CCDC172: variants seen among roughly 807,000 people sequenced by gnomAD.
CCDC172 encodes the protein coiled-coil domain-containing protein 172.
CCDC172 carries 30 observed loss-of-function variants against 38.0 expected under a neutral mutation model. The observed-to-expected ratio is 0.79, with a 90% CI of 0.59 to 1.07. The LOEUF is 1.07. CCDC172 is among the 50% of genes least tolerant of loss of function. The probability of loss-of-function intolerance (pLI) is 0.00; values close to 1 mark genes in which losing one functional copy is unlikely to be tolerated. For missense variants in CCDC172, 297 were observed against 290.1 expected (o/e 1.02, Z -0.17); for synonymous variants, 78 against 88.3 (o/e 0.88, Z 0.66).
At chr10:116,352,963 G>A (rs926990788) in intron 5 of CCDC172, among the ~76,000 whole-genome samples, 1 of 152,084 alleles carries the variant, frequency 6.6e-6, no homozygotes, top group Non-Finnish European at 1.5e-5. Context: ...GGAGGCCAAG[G>A]CGGGTGGATC....
chr10:116,371,922 G>A (rs1845190079), intron 7 of CCDC172, among the ~76,000 whole-genome samples: 1 of 151,594 alleles, frequency 6.6e-6, no homozygotes, highest in Non-Finnish European at 1.5e-5. Flanking sequence ...TTTCAACTGT[G>A]AGGCCTCAGA....
chr10:116,373,401 ATG>A (rs1845209902), intron 7 of CCDC172, among the ~76,000 whole-genome samples: 2 of 152,234 alleles, frequency 1.3e-5, no homozygotes, highest in African/African-American at 4.8e-5. Context: ...TTTATAGCAT[ATG>A]TAAAAACAAA....
chr10:116,336,071 G>GCA (rs1844728704), intron 3 of CCDC172, among the ~76,000 whole-genome samples: 1 of 152,036 alleles, frequency 6.6e-6, no homozygotes, highest in African/African-American at 2.4e-5. Context: ...GGAGGCTGAG[G>GCA]CAGGAGAATT....
rs923185503 is a variant in CCDC172 at position 116,325,389 on chromosome 10, G to T, written c.165+1G>T. The T allele has an allele frequency of 6.6e-5, 106 of 1,609,496 alleles. No homozygotes were observed. The highest frequency in any genetic ancestry group is 8.9e-5 in the Non-Finnish European group (105 of 1,177,396). ...AGAGAAAATCAAGCTGGAATCTAAG[G>T]TATTGAAATGTAAAGCATACTAATT... On this transcript the variant is annotated splice_donor_variant, in intron 3 of 8. Coordinates refer to ENST00000333254, the MANE Select transcript of CCDC172 (RefSeq NM_198515.3). LOFTEE classifies it high-confidence loss of function.
Position 116,357,847 on chromosome 10 carries a change from GA to G in CCDC172, c.564del (p.Glu189ArgfsTer11). ...LQRKLKVFED[E>X]ENESICTTKY... ...TTTGATTTGTTTAGTTTTTGAAGAT[GA>G]AGAGAATGAATCCATTTGTACTACC... On this transcript the variant is annotated frameshift_variant, in exon 7 of 9. Coordinates refer to ENST00000333254, the MANE Select transcript of CCDC172 (RefSeq NM_198515.3). LOFTEE classifies it high-confidence loss of function. 1 of 1,479,060 alleles carries G rather than the reference GA, an allele frequency of 6.8e-7. No homozygotes were observed. Among genetic ancestry groups the G allele is most frequent in the Non-Finnish European group, 9.2e-7 (1 of 1,086,568 alleles). 91.6% of individuals were successfully genotyped at this position (1,479,060 alleles called of 1,614,324 possible).
intron 3 of CCDC172, among the ~76,000 whole-genome samples, chr10:116,335,902 C>T (rs2134912621): frequency 6.6e-6 from 1 of 152,074 alleles, no homozygotes. Context: ...TGCGGTGGCT[C>T]ACATCTGTAT....
chr10:116,376,767 TACTC>T (rs1184332490), intron 7 of CCDC172, among the ~76,000 whole-genome samples: 1 of 152,138 alleles, frequency 6.6e-6, no homozygotes, highest in African/African-American at 2.4e-5. Context: ...TGGCAATTGA[TACTC>T]AATAGTTACA....
intron 7 of CCDC172, among the ~76,000 whole-genome samples, chr10:116,359,406 C>T (rs544683843): frequency 2.4e-4 from 36 of 152,138 alleles, no homozygotes; most frequent in Admixed American, 5.9e-4. Context: ...CTTAATTTGT[C>T]GGGTTTGACT....
chr10:116,363,936 A>AG (rs1201060988), intron 7 of CCDC172, among the ~76,000 whole-genome samples: 4 of 150,104 alleles, frequency 2.7e-5, no homozygotes, highest in Non-Finnish European at 5.9e-5. Context: ...GGTCTCAAAA[A>AG]AAAAAAAAAA....
intron 3 of CCDC172, among the ~76,000 whole-genome samples, chr10:116,333,088 C>T (rs1030244296): frequency 6.6e-6 from 1 of 151,956 alleles, no homozygotes; most frequent in Non-Finnish European, 1.5e-5. Flanking sequence ...TGTTTGCATC[C>T]TTTTAAGAAC....
intron 3 of CCDC172, among the ~76,000 whole-genome samples, chr10:116,339,423 C>T (rs1408599007): frequency 6.6e-6 from 1 of 151,508 alleles, no homozygotes; most frequent in Non-Finnish European, 1.5e-5. Flanking sequence ...CCCTAGTTTC[C>T]CCTTGTTATA....
At chr10:116,336,309 G>T (rs143304563) in intron 3 of CCDC172, among the ~76,000 whole-genome samples, 1 of 148,540 alleles carries the variant, frequency 6.7e-6, no homozygotes, top group African/African-American at 2.5e-5. Flanking sequence ...TGATACATAC[G>T]TAATAATAAT....
At chr10:116,371,473 T>C (rs1208967235) in intron 7 of CCDC172, among the ~76,000 whole-genome samples, 3 of 151,950 alleles carry the variant, frequency 2.0e-5, no homozygotes, top group Non-Finnish European at 4.4e-5. Flanking sequence ...TTTGCATTAG[T>C]ATTCATAGAC....
At chr10:116,372,886 A>G (rs1388977864) in intron 7 of CCDC172, among the ~76,000 whole-genome samples, 2 of 152,188 alleles carry the variant, frequency 1.3e-5, no homozygotes, top group African/African-American at 2.4e-5. Context: ...ATGACATCCT[A>G]AAGAATGAAA....
chr10:116,334,639 A>T (rs1844707720), intron 3 of CCDC172, among the ~76,000 whole-genome samples: 1 of 151,984 alleles, frequency 6.6e-6, no homozygotes, highest in African/African-American at 2.4e-5. Flanking sequence ...AGTATTTACT[A>T]TTGTATTAAT....
At chr10:116,368,816 T>G (rs1394748815) in intron 7 of CCDC172, among the ~76,000 whole-genome samples, 1 of 152,046 alleles carries the variant, frequency 6.6e-6, no homozygotes, top group Non-Finnish European at 1.5e-5. Flanking sequence ...AAATGGTAAA[T>G]TTACACAATC....
chr10:116,329,110 TA>T (rs1305942494), intron 3 of CCDC172, among the ~76,000 whole-genome samples: 1 of 152,194 alleles, frequency 6.6e-6, no homozygotes, highest in Non-Finnish European at 1.5e-5. Flanking sequence ...AACCTAACTG[TA>T]AACTCAAAAT....
At chr10:116,354,997 CA>C (rs1388756989) in intron 5 of CCDC172, among the ~76,000 whole-genome samples, 1 of 152,002 alleles carries the variant, frequency 6.6e-6, no homozygotes, top group Non-Finnish European at 1.5e-5. Context: ...TATTACAAGT[CA>C]AAATGTTTTT....
At chr10:116,365,291 C>T (rs535942094) in intron 7 of CCDC172, among the ~76,000 whole-genome samples, 2 of 151,962 alleles carry the variant, frequency 1.3e-5, no homozygotes, top group Non-Finnish European at 2.9e-5. Context: ...CTCTGCATGC[C>T]CTCCTTAATT....
Sources: gnomAD v4.1 joint callset for allele counts (sites outside exome capture counted in the v4.1 genomes callset) on GRCh38, gnomAD v4.1.1 for gene constraint, MANE v1.5 for transcripts, NCBI Gene and HGNC (gene_info 2026-07-23, HGNC 2026-07-21) for gene names.